Variants in KCND3 observed in about 807,000 individuals in gnomAD.
The protein encoded by KCND3 is potassium voltage-gated channel subfamily D member 3, also known as A-type voltage-gated potassium channel KCND3.
In KCND3, 9 loss-of-function variants were observed where a neutral mutation model predicts 51.1. The ratio of observed to expected loss-of-function variants is 0.18; its 90% CI spans 0.11 to 0.31. KCND3 has a LOEUF of 0.31. Ranked by LOEUF, KCND3 falls within the 10% of genes least tolerant of loss-of-function variation. The pLI is 1.00. For missense variants in KCND3, 526 were observed against 903.8 expected (o/e 0.58, Z 5.36); for synonymous variants, 349 against 368.0 (o/e 0.95, Z 0.59).
rs1838279 is a variant in KCND3, at chr1:111,977,195, G to A, written c.1106+4426C>T. Among the ~76,000 whole-genome samples, 1,362 of 152,284 alleles carry A rather than the reference G, an allele frequency of 8.9e-3. 19 individuals are homozygous for A. Among genetic ancestry groups the A allele is most frequent in the African/African-American group, 0.031 (1,286 of 41,548 alleles). ...ATTGAGAGGAGCACTGATGGGCTCC[G>A]GAGGCAGTAGATAAAGGTGCAGATA... is the stretch of plus-strand genomic sequence containing the variant. On this transcript the variant is annotated intron_variant, in intron 2 of 7. Transcript: ENST00000302127.
intron 2 of KCND3, among the ~76,000 whole-genome samples, chr1:111,844,171 G>A (rs915334561): frequency 2.2e-4 from 34 of 152,126 alleles, no homozygotes; most frequent in Admixed American, 9.8e-4. Flanking sequence ...CCTGTGACAC[G>A]TGGAATGCCA....
In KCND3 at chr1:111,772,700, ATAC is replaced by A. The variant is rs1663970504; in HGVS notation, c.*3374_*3376del. On this transcript the variant is annotated 3_prime_UTR_variant, in exon 8 of 8. Coordinates refer to ENST00000302127, the MANE Select transcript of KCND3 (RefSeq NM_001378969.1). ...CTTTTCTAGTTCTGATATGCTCTTA[ATAC>A]TACATTTTCTAGGTTCACATTCATT... 1.3e-5 allele frequency: 2 copies of A among 152,236 alleles called. No individual in the cohort carries two copies. The highest frequency in any genetic ancestry group is 2.9e-5 in the Non-Finnish European group (2 of 68,046). 9.4% of individuals were successfully genotyped at this position (152,236 alleles called of 1,614,324 possible). A position where few individuals can be genotyped will look rare whatever the true frequency, so the allele number is the denominator to read the frequency against.
chr1:111,800,016 C>T (rs895530478), intron 2 of KCND3, among the ~76,000 whole-genome samples: 4 of 151,670 alleles, frequency 2.6e-5, no homozygotes, highest in South Asian at 4.2e-4. Context: ...CCCCTCTGCC[C>T]GGCCACCACC....
At chr1:111,830,088 C>T (rs796968162) in intron 2 of KCND3, among the ~76,000 whole-genome samples, 21 of 152,300 alleles carry the variant, frequency 1.4e-4, no homozygotes, top group African/African-American at 4.8e-4. Flanking sequence ...ATCTATAGAT[C>T]TATATTCATT....
At chr1:111,849,054 C>T (rs375817607) in intron 2 of KCND3, among the ~76,000 whole-genome samples, 14 of 152,270 alleles carry the variant, frequency 9.2e-5, no homozygotes, top group African/African-American at 2.6e-4. Flanking sequence ...CCCTCCTCCT[C>T]GAGGCACAGG....
Position 111,776,195 on chromosome 1 carries a change from A to C in KCND3, c.1850T>G (p.Ile617Ser). The C allele has an allele frequency of 6.2e-7, 1 of 1,614,074 alleles. No individual in the cohort carries two copies. The highest frequency in any genetic ancestry group is 8.5e-7 in the Non-Finnish European group (1 of 1,180,012). Residue 617 changes from isoleucine (I) to serine (S), a missense_variant, in exon 8 of 8, where the codon ATC becomes AGC. Transcript: ENST00000302127. ...TGGGGTTAGCGCTGGGGGAGTGGGGATGCTGATGATGGCTGTGGTGATCTG... is the reference window on the plus strand; with the variant it reads ...TGGGGTTAGCGCTGGGGGAGTGGGGCTGCTGATGATGGCTGTGGTGATCTG... ...TSQITTAIIS[I>S]PTPPALTPEG...
intron 3 of KCND3, among the ~76,000 whole-genome samples, chr1:111,785,129 GC>G (rs1664551657): frequency 6.6e-6 from 1 of 152,168 alleles, no homozygotes; most frequent in Non-Finnish European, 1.5e-5. Flanking sequence ...GCTGGAATGG[GC>G]TGTCACTGGT....
chr1:111,903,452 C>T (rs946416341), intron 2 of KCND3, among the ~76,000 whole-genome samples: 1 of 152,330 alleles, frequency 6.6e-6, no homozygotes, highest in Non-Finnish European at 1.5e-5. Flanking sequence ...GCCAAGCCTC[C>T]GAAAGCCTCT....
At chr1:111,786,856 T>C in intron 3 of KCND3, 88 bp downstream of exon 3, 3 of 1,503,268 alleles carry the variant, frequency 2.0e-6, no homozygotes, top group Non-Finnish European at 2.8e-6. Flanking sequence ...TGTGCAGTGA[T>C]CCTGTGAGGA....
chr1:111,930,172 C>G (rs1305686968), intron 2 of KCND3, among the ~76,000 whole-genome samples: 1 of 146,492 alleles, frequency 6.8e-6, no homozygotes, highest in East Asian at 2.0e-4. Context: ...TTTTTTTTTT[C>G]TAAGCAGTAA....
At chr1:111,841,488 C>A (rs970331646) in intron 2 of KCND3, among the ~76,000 whole-genome samples, 5 of 152,240 alleles carry the variant, frequency 3.3e-5, no homozygotes, top group Admixed American at 6.5e-5. Flanking sequence ...CTGGGCAACT[C>A]TTCTGGAAAA....
chr1:111,926,194 C>T (rs1023412583), intron 2 of KCND3, among the ~76,000 whole-genome samples: 1 of 152,136 alleles, frequency 6.6e-6, no homozygotes, highest in Non-Finnish European at 1.5e-5. Flanking sequence ...CATTAGTTCC[C>T]ATGGCATAAG....
chr1:111,902,274 A>G (rs1025890467), intron 2 of KCND3, among the ~76,000 whole-genome samples: 1 of 152,208 alleles, frequency 6.6e-6, no homozygotes, highest in African/African-American at 2.4e-5. Flanking sequence ...TGCAGGGATT[A>G]AAGGGGTAAC....
intron 2 of KCND3, among the ~76,000 whole-genome samples, chr1:111,806,178 G>T (rs1665562047): frequency 6.6e-6 from 1 of 152,188 alleles, no homozygotes; most frequent in Non-Finnish European, 1.5e-5. Flanking sequence ...CAAAGAACGG[G>T]GTCACTCAAA....
chr1:111,780,930 C>T lies in KCND3; in HGVS notation c.1270-139G>A. On this transcript the variant is annotated intron_variant, in intron 3 of 7. Coordinates refer to ENST00000302127, the MANE Select transcript of KCND3 (RefSeq NM_001378969.1). The surrounding 1 kb of genome is among the most constrained non-coding windows in gnomAD (Gnocchi z 4.2). ...GCTGTTTCTCTCCAACCTCATGCAT[C>T]TCCAGTTGTGTACCCACTTTGTATA... The T allele has an allele frequency of 1.4e-6, 1 of 740,356 alleles. No homozygotes were observed. The highest frequency in any genetic ancestry group is 1.5e-5 in the South Asian group (1 of 67,500). 45.9% of individuals were successfully genotyped at this position (740,356 alleles called of 1,614,324 possible). A position where few individuals can be genotyped will look rare whatever the true frequency, so the allele number is the denominator to read the frequency against.
chr1:111,955,119 C>T (rs1673260710), intron 2 of KCND3, among the ~76,000 whole-genome samples: 2 of 152,324 alleles, frequency 1.3e-5, no homozygotes, highest in South Asian at 4.1e-4. Flanking sequence ...CTTTCAAGTC[C>T]AACCCTATAT....
Position 111,778,423 on chromosome 1 carries a change from TA to T in KCND3, c.1518+12del, listed in dbSNP as rs1440221557. 3 of 1,611,708 alleles carry T rather than the reference TA, an allele frequency of 1.9e-6. No homozygotes were observed. Among genetic ancestry groups the T allele is most frequent in the Middle Eastern group, 1.6e-4 (1 of 6,082 alleles). ...GAGAGAAAAACATCAATTGAATTTT[TA>T]AAAAGTTATACCTTGATGGTGGAGG... is the stretch of plus-strand genomic sequence containing the variant. On this transcript the variant is annotated intron_variant, in intron 6 of 7. Coordinates refer to ENST00000302127, the MANE Select transcript of KCND3 (RefSeq NM_001378969.1).
At position 111,780,913 on chromosome 1, in the gene KCND3, T is replaced by C. The variant is rs1001068474; in HGVS notation, c.1270-122A>G. On this transcript the variant is annotated intron_variant, in intron 3 of 7. Coordinates refer to ENST00000302127, the MANE Select transcript of KCND3 (RefSeq NM_001378969.1). This position sits in a 1 kb window ranked among gnomAD's most constrained non-coding sequence, Gnocchi z 4.2. ...CTGATGAAGGGGATGAGGCTGTTTC[T>C]CTCCAACCTCATGCATCTCCAGTTG... 2.5e-6 allele frequency: 2 copies of C among 789,786 alleles called. No homozygotes were observed. The highest frequency in any genetic ancestry group is 4.0e-5 in the Admixed American group (2 of 50,086). The allele number at this position is 789,786 out of a possible 1,614,324, so 48.9% of individuals were successfully genotyped here.
intron 2 of KCND3, among the ~76,000 whole-genome samples, chr1:111,891,245 GA>G (rs1442901216): frequency 6.6e-6 from 1 of 152,044 alleles, no homozygotes; most frequent in Non-Finnish European, 1.5e-5. Flanking sequence ...AGGTTACAAA[GA>G]AAAAAGGAAG....
Sources: gnomAD v4.1 joint callset for allele counts (sites outside exome capture counted in the v4.1 genomes callset) on GRCh38, gnomAD v4.1.1 for gene constraint, Gnocchi (gnomAD v3.1) non-coding constraint, MANE v1.5 for transcripts, NCBI Gene and HGNC (gene_info 2026-07-23, HGNC 2026-07-21) for gene names.